The following GATB variants were observed in gnomAD, a reference collection of about 807,000 sequenced individuals.
The protein encoded by GATB is glutamyl-tRNA amidotransferase subunit B, also known as glutamyl-tRNA(Gln) amidotransferase subunit B, mitochondrial.
A neutral mutation model predicts 62.3 loss-of-function variants in GATB; 39 were observed. The ratio of observed to expected loss-of-function variants is 0.63; its 90% CI spans 0.48 to 0.82. GATB has a LOEUF of 0.82. GATB is among the 40% of genes least tolerant of loss of function. GATB has a pLI of 0.00. For synonymous variants in GATB, 276 were observed against 258.9 expected (o/e 1.07, Z -0.63); for missense variants, 670 against 684.0 (o/e 0.98, Z 0.23).
At chr4:151,687,612 T>C (rs747939811) in intron 10 of GATB, among the ~76,000 whole-genome samples, 3 of 152,164 alleles carry the variant, frequency 2.0e-5, no homozygotes, top group Non-Finnish European at 4.4e-5. Context: ...AATTCCTATA[T>C]TGAAGCGCGA....
chr4:151,674,211 A>C (rs1050471610), intron 11 of GATB: 1 of 152,174 alleles, frequency 6.6e-6, no homozygotes, highest in Non-Finnish European at 1.5e-5. Flanking sequence ...CCTCCAACTC[A>C]ATTCAGCAGA....
intron 9 of GATB, among the ~76,000 whole-genome samples, chr4:151,700,608 C>T (rs770626553): frequency 2.6e-5 from 4 of 152,176 alleles, no homozygotes; most frequent in African/African-American, 4.8e-5. Context: ...TATACTGATT[C>T]CCTGGAAGAT....
intron 1 of GATB, 121 bp downstream of exon 1, chr4:151,760,686 A>G (rs1739935786): frequency 1.2e-6 from 1 of 866,692 alleles, no homozygotes; most frequent in African/African-American, 1.7e-5. Flanking sequence ...GCTCCAGGTT[A>G]TAACTCAACG....
At chr4:151,688,831 CA>C in intron 9 of GATB, 68 bp from the exon 10 acceptor site, 4 of 1,486,680 alleles carry the variant, frequency 2.7e-6, no homozygotes, top group Non-Finnish European at 3.6e-6. Context: ...ATTCTGAAGG[CA>C]AATCTGAAAC....
At chr4:151,697,943 G>A (rs1738505864) in intron 9 of GATB, among the ~76,000 whole-genome samples, 2 of 73,376 alleles carry the variant, frequency 2.7e-5, no homozygotes. Context: ...ATATATGTGT[G>A]TGTGTGTGTG....
At chr4:151,710,491 C>G (rs1738797107) in intron 5 of GATB, among the ~76,000 whole-genome samples, 1 of 152,178 alleles carries the variant, frequency 6.6e-6, no homozygotes. Context: ...CGCTGTTTCA[C>G]TTCCCATTTA....
chr4:151,759,755 T>C (rs1424087299), intron 1 of GATB, among the ~76,000 whole-genome samples: 2 of 152,182 alleles, frequency 1.3e-5, no homozygotes, highest in Non-Finnish European at 2.9e-5. Flanking sequence ...TGTATGTTCC[T>C]ATCCTGCTCT....
At chr4:151,671,781 A>G (rs6535809) in intron 12 of GATB, among the ~76,000 whole-genome samples, 90,190 of 151,968 alleles carry the variant, frequency 0.59, 29,166 homozygotes, top group African/African-American at 0.87. Flanking sequence ...ACACTGGCCG[A>G]GTCTTCCAGA....
At chr4:151,747,440 G>A (rs924218665) in intron 2 of GATB, among the ~76,000 whole-genome samples, 1 of 152,210 alleles carries the variant, frequency 6.6e-6, no homozygotes, top group Non-Finnish European at 1.5e-5. Flanking sequence ...GCAGCTTGAC[G>A]CTGGCACTAT....
intron 2 of GATB, chr4:151,722,317 A>G (rs890224659): frequency 3.0e-6 from 2 of 666,588 alleles, no homozygotes; most frequent in African/African-American, 3.6e-5. Context: ...CAGTGGTGAC[A>G]TGAACCTGCC....
chr4:151,731,581 C>A (rs1230680431), intron 2 of GATB, among the ~76,000 whole-genome samples: 1 of 151,920 alleles, frequency 6.6e-6, no homozygotes. Flanking sequence ...CACCCATCGT[C>A]TGGGATGTGA....
chr4:151,705,834 CT>C lies in GATB; in HGVS notation c.878-566del, dbSNP rs907043718. Among the ~76,000 whole-genome samples, 13 of 151,558 alleles carry C rather than the reference CT, an allele frequency of 8.6e-5. No individual in the cohort carries two copies. The East Asian group carries it at 1.6e-3, about 18-fold the overall frequency. On this transcript the variant is annotated intron_variant, in intron 6 of 12. Coordinates refer to ENST00000263985, the MANE Select transcript of GATB (RefSeq NM_004564.3). ...AACCACAATTGCTAAGCTGTTGCTG[CT>C]TTTTTTTTCTTTTTTTGAGAGATGG...
In GATB at chr4:151,742,309, C is replaced by G. The variant is rs562812980; in HGVS notation, c.327+16463G>C. Among the ~76,000 whole-genome samples, 127 of 152,156 alleles carry G rather than the reference C, an allele frequency of 8.3e-4. 1 individual carries two copies. The highest frequency in any genetic ancestry group is 3.4e-3 in the Middle Eastern group (1 of 294). On this transcript the variant is annotated intron_variant, in intron 2 of 12. Coordinates refer to ENST00000263985, the MANE Select transcript of GATB (RefSeq NM_004564.3). The stretch of plus-strand genomic sequence containing the variant: ...TTCACCGTGTTAACCAGGATGGTCT[C>G]GATCTCCTGACCTCGTGATCCGCCT...
chr4:151,731,305 C>A (rs912653916), intron 2 of GATB, among the ~76,000 whole-genome samples: 1 of 152,188 alleles, frequency 6.6e-6, no homozygotes, highest in Admixed American at 6.5e-5. Context: ...TTGGTGGAGA[C>A]GGGGTTTCGC....
At chr4:151,683,426 T>G (rs375855605) in intron 10 of GATB, among the ~76,000 whole-genome samples, 2 of 152,172 alleles carry the variant, frequency 1.3e-5, no homozygotes, top group East Asian at 3.9e-4. Flanking sequence ...TCCTCTTCCT[T>G]GCCTGTCCCT....
chr4:151,733,800 C>T (rs1379500889), intron 2 of GATB, among the ~76,000 whole-genome samples: 2 of 152,126 alleles, frequency 1.3e-5, no homozygotes, highest in African/African-American at 4.8e-5. Context: ...TTAACATATG[C>T]AATTCAATAA....
chr4:151,692,109 G>T (rs925991604), intron 9 of GATB, among the ~76,000 whole-genome samples: 4 of 152,180 alleles, frequency 2.6e-5, no homozygotes, highest in Non-Finnish European at 4.4e-5. Flanking sequence ...CACTGTCTAC[G>T]CACTCTCTCC....
chr4:151,749,111 A>C (rs1358121823), intron 2 of GATB, among the ~76,000 whole-genome samples: 1 of 152,238 alleles, frequency 6.6e-6, no homozygotes, highest in Non-Finnish European at 1.5e-5. Context: ...GCGATTCCTC[A>C]GGGATCTAGA....
At chr4:151,691,676 G>A (rs370736533) in intron 9 of GATB, 16 of 152,246 alleles carry the variant, frequency 1.1e-4, no homozygotes, top group African/African-American at 3.9e-4. Context: ...ATGATCAAAT[G>A]CAAATGCTGG....
Sources: allele counts gnomAD v4.1 joint callset (sites outside exome capture counted in the v4.1 genomes callset), GRCh38; gene constraint gnomAD v4.1.1; transcripts MANE v1.5; gene names NCBI Gene and HGNC (gene_info 2026-07-23, HGNC 2026-07-21).